TNFAIP8L3: variants seen among roughly 807,000 people sequenced by gnomAD.
The protein encoded by TNFAIP8L3 is tumor necrosis factor alpha-induced protein 8-like protein 3.
A neutral mutation model predicts 11.8 loss-of-function variants in TNFAIP8L3; 7 were observed. That is an observed-to-expected ratio of 0.59 (90% CI 0.34 to 1.11). The LOEUF is 1.11. Among genes scored for constraint, TNFAIP8L3 ranks in the 50% most tolerant of loss-of-function variants. TNFAIP8L3 has a pLI of 0.03. For synonymous variants in TNFAIP8L3, 98 were observed against 103.8 expected (o/e 0.94, Z 0.34); for missense variants, 219 against 258.6 (o/e 0.85, Z 1.05).
At chr15:51,105,162 C>T (rs2140988903) in exon 1 of TNFAIP8L3, 2 of 1,613,618 alleles carry the variant, frequency 1.2e-6, no homozygotes, top group Middle Eastern at 1.8e-4. Context: ...TTGGGTTTTG[C>T]CGTGGTTTCC....
rs1454525188 is a variant in TNFAIP8L3 at position 51,094,774 on chromosome 15, C to CA, written c.-180_-179insT. 2.2e-6 allele frequency: 2 copies of CA among 904,886 alleles called. No homozygotes were observed. Among genetic ancestry groups the CA allele is most frequent in the Admixed American group, 6.4e-5 (1 of 15,568 alleles). 56.1% of individuals were successfully genotyped at this position (904,886 alleles called of 1,614,324 possible). A position where few individuals can be genotyped will look rare whatever the true frequency, so the allele number is the denominator to read the frequency against. ...GCGGCTCCGCAGAGGCGAGCGCCGCCGCGCCCCGCTCCCCGCGCCCGCCGG... is the reference window on the plus strand; with the variant it reads ...GCGGCTCCGCAGAGGCGAGCGCCGCCAGCGCCCCGCTCCCCGCGCCCGCCGG... On this transcript the variant is annotated 5_prime_UTR_variant, in exon 1 of 2. Coordinates refer to ENST00000637513, the MANE Select transcript of TNFAIP8L3 (RefSeq NM_001311175.2). This position sits in a 1 kb window ranked among gnomAD's most constrained non-coding sequence, Gnocchi z 4.4.
chr15:51,057,939 G>T lies in TNFAIP8L3; in HGVS notation c.557C>A (p.Pro186His). 6.2e-7 allele frequency: 1 copy of T among 1,610,972 alleles called. No homozygotes were observed. Among genetic ancestry groups the T allele is most frequent in the Non-Finnish European group, 8.5e-7 (1 of 1,178,994 alleles). Reference sequence around the variant, plus strand: ...TCCTTCACAAATCCTCTTGAGGTTGGGCCTACAGTCTCCATCCAGACTATA... The same window carrying T: ...TCCTTCACAAATCCTCTTGAGGTTGTGCCTACAGTCTCCATCCAGACTATA... The part of the protein sequence containing the change: ...TLYSLDGDCR[P>H]NLKRICEGIN... Residue 186 changes from proline to histidine, a missense_variant, in exon 2 of 2, where the codon CCC becomes CAC. Coordinates refer to ENST00000637513, the MANE Select transcript of TNFAIP8L3 (RefSeq NM_001311175.2).
chr15:51,070,392 T>C (rs1287695054), intron 1 of TNFAIP8L3, among the ~76,000 whole-genome samples: 1 of 152,264 alleles, frequency 6.6e-6, no homozygotes, highest in Non-Finnish European at 1.5e-5. Flanking sequence ...TGGTAGATTA[T>C]ATTCAGGCAT....
chr15:51,056,629 A>G lies in TNFAIP8L3; in HGVS notation c.*1252T>C, dbSNP rs1034318930. The G allele has an allele frequency of 6.6e-6, 1 of 152,230 alleles. No homozygotes were observed. The highest frequency in any genetic ancestry group is 2.4e-5 in the African/African-American group (1 of 41,450). 9.4% of individuals were successfully genotyped at this position (152,230 alleles called of 1,614,324 possible). On this transcript the variant is annotated 3_prime_UTR_variant, in exon 2 of 2. Coordinates refer to ENST00000637513, the MANE Select transcript of TNFAIP8L3 (RefSeq NM_001311175.2). ...GGAGGGCAGTTTCAATTTATTAATG[A>G]ACCAGAGAAAACAGCACAAAATGAC... is the stretch of plus-strand genomic sequence containing the variant.
chr15:51,085,015 T>G (rs1015725288), intron 1 of TNFAIP8L3, among the ~76,000 whole-genome samples: 3 of 151,830 alleles, frequency 2.0e-5, no homozygotes, highest in African/African-American at 7.3e-5. Flanking sequence ...CAAAGAAAAA[T>G]AGAGTCACAA....
chr15:51,094,669 A>G lies in TNFAIP8L3; in HGVS notation c.-74T>C. On this transcript the variant is annotated 5_prime_UTR_variant, in exon 1 of 2. Transcript: ENST00000637513. The surrounding 1 kb of genome is among the most constrained non-coding windows in gnomAD (Gnocchi z 4.4). ...GCGCTCGGGCAGCCGCGGCGCACTC[A>G]GGGCGGACAGCGGGGCGGCTGGAGC... is the stretch of plus-strand genomic sequence containing the variant. 2 of 1,250,420 alleles carry G rather than the reference A, an allele frequency of 1.6e-6. No individual in the cohort carries two copies. Among genetic ancestry groups the G allele is most frequent in the Non-Finnish European group, 2.0e-6 (2 of 1,000,654 alleles). The allele number at this position is 1,250,420 out of a possible 1,614,324, so 77.5% of individuals were successfully genotyped here. A position where few individuals can be genotyped will look rare whatever the true frequency, so the allele number is the denominator to read the frequency against.
intron 1 of TNFAIP8L3, among the ~76,000 whole-genome samples, chr15:51,076,816 T>C (rs1320180689): frequency 6.6e-6 from 1 of 152,176 alleles, no homozygotes; most frequent in East Asian, 1.9e-4. Flanking sequence ...GGTTTCTGGG[T>C]CTGTTAAATG....
At chr15:51,067,899 T>A (rs1045840176) in intron 1 of TNFAIP8L3, among the ~76,000 whole-genome samples, 5 of 152,212 alleles carry the variant, frequency 3.3e-5, no homozygotes, top group African/African-American at 4.8e-5. Flanking sequence ...GAGCTTTCCC[T>A]GCAGCCCCAC....
At chr15:51,096,905 AAAAAAAAG>A (rs1437090035), upstream of TNFAIP8L3, among the ~76,000 whole-genome samples, 1 of 151,762 alleles carries the variant, frequency 6.6e-6, no homozygotes, top group Non-Finnish European at 1.5e-5. Flanking sequence ...AAAAAAAAAA[AAAAAAAAG>A]AAAGAAAGAA....
At chr15:51,082,798 C>T (rs1002374377) in intron 1 of TNFAIP8L3, among the ~76,000 whole-genome samples, 4 of 151,860 alleles carry the variant, frequency 2.6e-5, no homozygotes, top group Non-Finnish European at 4.4e-5. Flanking sequence ...TAGTCTCTGC[C>T]GACAAAGGGT....
intron 1 of TNFAIP8L3, among the ~76,000 whole-genome samples, chr15:51,065,398 C>T (rs1018586992): frequency 6.6e-6 from 1 of 152,108 alleles, no homozygotes; most frequent in Non-Finnish European, 1.5e-5. Context: ...GATGTTCAGC[C>T]AGAGTACAAG....
At chr15:51,095,032 G>A (rs2065502843), upstream of TNFAIP8L3, among the ~76,000 whole-genome samples, 1 of 152,082 alleles carries the variant, frequency 6.6e-6, no homozygotes, top group African/African-American at 2.4e-5. Context: ...GCAAGGCCGA[G>A]CCCCTTCCCT....
chr15:51,057,821 C>G lies in TNFAIP8L3; in HGVS notation c.*60G>C. The G allele has an allele frequency of 2.3e-5, 32 of 1,405,462 alleles. No homozygotes were observed. Among genetic ancestry groups the G allele is most frequent in the Non-Finnish European group, 3.1e-5 (32 of 1,035,594 alleles). The allele number at this position is 1,405,462 out of a possible 1,614,324, so 87.1% of individuals were successfully genotyped here. ...TTCTGCTTATGTTCTTGATTCTCAC[C>G]CAGATCATGGTTGAGTGCTGTAACT... is the stretch of plus-strand genomic sequence containing the variant. On this transcript the variant is annotated 3_prime_UTR_variant, in exon 2 of 2. Transcript: ENST00000637513.
chr15:51,086,768 T>C (rs2065430656), intron 1 of TNFAIP8L3, among the ~76,000 whole-genome samples: 1 of 152,234 alleles, frequency 6.6e-6, no homozygotes, highest in Non-Finnish European at 1.5e-5. Flanking sequence ...AAGTGCTTAA[T>C]TAATATAGGA....
rs1192097077 is a variant in TNFAIP8L3, at chr15:51,057,348, TA to T, written c.*532del. On this transcript the variant is annotated 3_prime_UTR_variant, in exon 2 of 2. Coordinates refer to ENST00000637513, the MANE Select transcript of TNFAIP8L3 (RefSeq NM_001311175.2). ...ATTAGATTCTATTGTTCTTTTCTCC[TA>T]TGCTGCTTAATAGTCTACATCCAGG... is the stretch of plus-strand genomic sequence containing the variant. The T allele has an allele frequency of 7.9e-5, 12 of 152,608 alleles. No individual in the cohort carries two copies. Among genetic ancestry groups the T allele is most frequent in the African/African-American group, 2.9e-4 (12 of 41,458 alleles). 9.5% of individuals were successfully genotyped at this position (152,608 alleles called of 1,614,324 possible).
intron 1 of TNFAIP8L3, among the ~76,000 whole-genome samples, chr15:51,070,538 G>A (rs982448411): frequency 1.3e-5 from 2 of 152,150 alleles, no homozygotes; most frequent in African/African-American, 4.8e-5. Context: ...GGAAACCAAG[G>A]CAAAGAGAGA....
chr15:51,090,521 A>C (rs1269053140), intron 1 of TNFAIP8L3, among the ~76,000 whole-genome samples: 1 of 152,176 alleles, frequency 6.6e-6, no homozygotes, highest in Non-Finnish European at 1.5e-5. Context: ...TTTATCTCCC[A>C]GAACTCCCCA....
intron 1 of TNFAIP8L3, among the ~76,000 whole-genome samples, chr15:51,087,484 A>C (rs1452378156): frequency 6.6e-6 from 1 of 152,192 alleles, no homozygotes; most frequent in Non-Finnish European, 1.5e-5. Flanking sequence ...CAAAAATATA[A>C]ACCAGGAGTC....
In TNFAIP8L3 at chr15:51,058,263, A is replaced by C; in HGVS notation, c.233T>G (p.Met78Arg). The part of the protein sequence containing the change: ...THNKKEAHKI[M>R]KDLIKVAIKI... ...GATCGCCACCTTGATTAAGTCTTTC[A>C]TGATCTTGTGGGCTTCCTTCTTGTT... Residue 78 changes from methionine (M) to arginine (R), a missense_variant, in exon 2 of 2, where the codon ATG becomes AGG. Coordinates refer to ENST00000637513, the MANE Select transcript of TNFAIP8L3 (RefSeq NM_001311175.2). 1 of 1,614,152 alleles carries C rather than the reference A, an allele frequency of 6.2e-7. No homozygotes were observed. The highest frequency in any genetic ancestry group is 8.5e-7 in the Non-Finnish European group (1 of 1,180,030).
Sources: allele counts gnomAD v4.1 joint callset (sites outside exome capture counted in the v4.1 genomes callset), GRCh38; gene constraint gnomAD v4.1.1; non-coding constraint Gnocchi (gnomAD v3.1); transcripts MANE v1.5; gene names NCBI Gene and HGNC (gene_info 2026-07-23, HGNC 2026-07-21).